The following LRP1B variants were observed in gnomAD, a reference collection of about 807,000 sequenced individuals.
LRP1B encodes low-density lipoprotein receptor-related protein 1B.
A neutral mutation model predicts 556.6 loss-of-function variants in LRP1B; 217 were observed. The ratio of observed to expected loss-of-function variants is 0.39; its 90% CI spans 0.35 to 0.44. The LOEUF is 0.44. Among genes scored for constraint, LRP1B ranks in the 20% least tolerant of loss-of-function variants. The pLI is 1.00. For synonymous variants in LRP1B, 2,047 were observed against 1,865.8 expected (o/e 1.10, Z -2.50); for missense variants, 5,053 against 5,620.8 (o/e 0.90, Z 3.23).
At chr2:140,790,225 G>T (rs968920755) in intron 32 of LRP1B, among the ~76,000 whole-genome samples, 2 of 152,030 alleles carry the variant, frequency 1.3e-5, no homozygotes, top group African/African-American at 4.8e-5. Flanking sequence ...GATATATAAT[G>T]ATGAATTACT....
intron 45 of LRP1B, among the ~76,000 whole-genome samples, chr2:140,539,770 T>A (rs1349032323): frequency 6.6e-6 from 1 of 152,154 alleles, no homozygotes; most frequent in South Asian, 2.1e-4. Flanking sequence ...AGCAATTGCC[T>A]GAGCAATTCA....
At chr2:140,436,330 A>G (rs1460427114) in intron 66 of LRP1B, among the ~76,000 whole-genome samples, 2 of 152,190 alleles carry the variant, frequency 1.3e-5, no homozygotes, top group Non-Finnish European at 2.9e-5. Flanking sequence ...GGATAATAGC[A>G]TATGTACACA....
intron 1 of LRP1B, among the ~76,000 whole-genome samples, chr2:142,096,272 C>G (rs1199648512): frequency 6.6e-6 from 1 of 151,540 alleles, no homozygotes; most frequent in African/African-American, 2.4e-5. Context: ...GACTCGGTAA[C>G]AGTGTTTACC....
intron 3 of LRP1B, among the ~76,000 whole-genome samples, chr2:141,280,629 C>T (rs150566758): frequency 1.3e-5 from 2 of 151,584 alleles, no homozygotes; most frequent in Non-Finnish European, 3.0e-5. Context: ...GTTTAAAGTC[C>T]CAGTAATAAA....
intron 18 of LRP1B, among the ~76,000 whole-genome samples, chr2:140,953,481 T>C (rs765281522): frequency 1.6e-4 from 24 of 152,196 alleles, no homozygotes; most frequent in Non-Finnish European, 2.8e-4. Flanking sequence ...CACAGAATCA[T>C]AGAATATATT....
chr2:141,493,183 T>C (rs1683396847), intron 2 of LRP1B, among the ~76,000 whole-genome samples: 1 of 152,172 alleles, frequency 6.6e-6, no homozygotes. Context: ...GTTGTAACGC[T>C]ATTATTTGAA....
At chr2:140,279,805 A>G (rs1191246933) in intron 84 of LRP1B, among the ~76,000 whole-genome samples, 6 of 151,872 alleles carry the variant, frequency 4.0e-5, no homozygotes, top group African/African-American at 4.8e-5. Flanking sequence ...CTAAATAAAC[A>G]CCATTTTATT....
At chr2:141,092,233 C>T (rs540417453) in intron 7 of LRP1B, among the ~76,000 whole-genome samples, 1 of 152,178 alleles carries the variant, frequency 6.6e-6, no homozygotes, top group Admixed American at 6.5e-5. Flanking sequence ...ATGGCTTCAA[C>T]CAAAGAGTTA....
At chr2:140,552,325 G>C (rs997299078) in intron 43 of LRP1B, among the ~76,000 whole-genome samples, 13 of 152,136 alleles carry the variant, frequency 8.5e-5, no homozygotes, top group Non-Finnish European at 1.5e-4. Context: ...AAAAATGACA[G>C]TTTTTCAATG....
At chr2:140,725,960 T>C (rs1162959537) in intron 35 of LRP1B, among the ~76,000 whole-genome samples, 1 of 152,120 alleles carries the variant, frequency 6.6e-6, no homozygotes, top group Non-Finnish European at 1.5e-5. Context: ...TGGCTACCCA[T>C]TAGAACTGCT....
At chr2:141,230,673 C>A (rs1436463482) in intron 5 of LRP1B, among the ~76,000 whole-genome samples, 2 of 152,214 alleles carry the variant, frequency 1.3e-5, no homozygotes, top group Non-Finnish European at 2.9e-5. Context: ...GCACTTCTTA[C>A]TGTTCCTTGA....
chr2:140,678,513 A>AT (rs1407349786), intron 41 of LRP1B, among the ~76,000 whole-genome samples: 2 of 152,162 alleles, frequency 1.3e-5, no homozygotes, highest in Non-Finnish European at 2.9e-5. Flanking sequence ...TGGACAAGGC[A>AT]TTTTTTCCCC....
chr2:142,090,230 C>T (rs1421099973), intron 1 of LRP1B, among the ~76,000 whole-genome samples: 1 of 151,998 alleles, frequency 6.6e-6, no homozygotes, highest in Non-Finnish European at 1.5e-5. Flanking sequence ...TATTTATAAA[C>T]ATAATTATGA....
At chr2:140,998,682 T>C (rs528199277) in intron 15 of LRP1B, among the ~76,000 whole-genome samples, 1 of 152,202 alleles carries the variant, frequency 6.6e-6, no homozygotes, top group African/African-American at 2.4e-5. Flanking sequence ...ATGTAGCATG[T>C]CAATATTTTT....
At chr2:140,713,283 G>A (rs996755440) in intron 37 of LRP1B, among the ~76,000 whole-genome samples, 14 of 151,082 alleles carry the variant, frequency 9.3e-5, no homozygotes, top group African/African-American at 3.2e-4. Flanking sequence ...AATTTGACCT[G>A]ACTCCCTTTG....
chr2:141,330,871 G>T (rs1687613647), intron 3 of LRP1B, among the ~76,000 whole-genome samples: 2 of 150,722 alleles, frequency 1.3e-5, no homozygotes, highest in South Asian at 4.2e-4. Context: ...TCCTGCCTCA[G>T]TCTCCCAAGT....
chr2:141,490,057 T>A (rs1449596011), intron 2 of LRP1B, among the ~76,000 whole-genome samples: 1 of 152,160 alleles, frequency 6.6e-6, no homozygotes, highest in East Asian at 1.9e-4. Flanking sequence ...CCTTTAGCCA[T>A]CTCTGACATC....
chr2:141,478,360 C>CAT (rs1198465124), intron 3 of LRP1B, among the ~76,000 whole-genome samples: 4 of 152,102 alleles, frequency 2.6e-5, no homozygotes, highest in Admixed American at 2.0e-4. Flanking sequence ...CTTAGTCATA[C>CAT]ATATCTATCT....
chr2:140,449,827 C>G (rs1321947359), intron 63 of LRP1B, among the ~76,000 whole-genome samples: 1 of 152,108 alleles, frequency 6.6e-6, no homozygotes. Flanking sequence ...ATTATGGCAA[C>G]CATGTACTGG....
Sources: gnomAD v4.1 joint callset for allele counts (sites outside exome capture counted in the v4.1 genomes callset) on GRCh38, gnomAD v4.1.1 for gene constraint, MANE v1.5 for transcripts, NCBI Gene and HGNC (gene_info 2026-07-23, HGNC 2026-07-21) for gene names.